PLXNA4: variants seen among roughly 807,000 people sequenced by gnomAD.
PLXNA4 encodes plexin A4.
A neutral mutation model predicts 191.8 loss-of-function variants in PLXNA4; 44 were observed. The ratio of observed to expected loss-of-function variants is 0.23; its 90% CI spans 0.18 to 0.29. The LOEUF is 0.29. PLXNA4 is among the 10% of genes least tolerant of loss of function. The pLI is 1.00. For synonymous variants in PLXNA4, 1,082 were observed against 1,009.5 expected (o/e 1.07, Z -1.36); for missense variants, 1,800 against 2,488.8 (o/e 0.72, Z 5.89).
At chr7:132,451,813 C>T (rs1025888912) in intron 3 of PLXNA4, among the ~76,000 whole-genome samples, 1 of 152,204 alleles carries the variant, frequency 6.6e-6, no homozygotes. Context: ...GAGTGATTGG[C>T]ACAGGGATGG....
At chr7:132,235,997 G>A (rs533143161) in intron 5 of PLXNA4, among the ~76,000 whole-genome samples, 1 of 152,206 alleles carries the variant, frequency 6.6e-6, no homozygotes, top group Non-Finnish European at 1.5e-5. Flanking sequence ...CATCAGAGAT[G>A]GGCAAGCCTG....
chr7:132,529,418 G>C (rs576024642), intron 1 of PLXNA4, among the ~76,000 whole-genome samples: 14 of 152,106 alleles, frequency 9.2e-5, no homozygotes, highest in African/African-American at 2.7e-4. Flanking sequence ...AAAAATACAA[G>C]GTGTTACAGA....
intron 3 of PLXNA4, among the ~76,000 whole-genome samples, chr7:132,344,936 C>T (rs1043008297): frequency 6.6e-6 from 1 of 152,178 alleles, no homozygotes; most frequent in Non-Finnish European, 1.5e-5. Context: ...TTGCTGTGGA[C>T]TAGCAGTGCC....
At chr7:132,592,410 A>G (rs918111030) in intron 2 of PLXNA4, among the ~76,000 whole-genome samples, 1 of 152,156 alleles carries the variant, frequency 6.6e-6, no homozygotes, top group African/African-American at 2.4e-5. Context: ...CACTCTTCTC[A>G]TTAAAAGGAC....
At chr7:132,402,910 G>C (rs1443960679) in intron 3 of PLXNA4, among the ~76,000 whole-genome samples, 1 of 152,242 alleles carries the variant, frequency 6.6e-6, no homozygotes, top group East Asian at 1.9e-4. Flanking sequence ...AATCCAGAGA[G>C]CTAGTGTTGA....
chr7:132,593,433 T>C (rs571295654), intron 2 of PLXNA4, among the ~76,000 whole-genome samples: 1 of 152,270 alleles, frequency 6.6e-6, no homozygotes, highest in African/African-American at 2.4e-5. Flanking sequence ...ACACCCTGGG[T>C]GTGTCCATCA....
chr7:132,393,777 C>T (rs1488427668), intron 3 of PLXNA4, among the ~76,000 whole-genome samples: 2 of 152,144 alleles, frequency 1.3e-5, no homozygotes, highest in African/African-American at 4.8e-5. Flanking sequence ...CATTTAGAGG[C>T]TTGAAGTTCA....
intron 3 of PLXNA4, among the ~76,000 whole-genome samples, chr7:132,301,034 G>C (rs76939216): frequency 0.036 from 5,457 of 152,282 alleles, 116 homozygotes; most frequent in African/African-American, 0.047. Context: ...GGATGAGGAA[G>C]CACCAACTGG....
At position 132,164,268 on chromosome 7, in the gene PLXNA4, G is replaced by C. The variant is rs749930889; in HGVS notation, c.4374C>G (p.Leu1458=). 1 of 1,614,218 alleles carries C rather than the reference G, an allele frequency of 6.2e-7. No individual in the cohort carries two copies. Among genetic ancestry groups the C allele is most frequent in the East Asian group, 2.2e-5 (1 of 44,860 alleles). ...KFLKECAGEP[L]FSLFCAIKQQ... is the part of the protein sequence containing the mutation. ...GCTTGATGGCACAGAACAGGGAGAA[G>C]AGGGGCTCCCCAGCACACTCCTGGA... The change falls in exon 24 of 32, where the codon CTC becomes CTG. Residue 1458 remains leucine, a synonymous_variant. Transcript: ENST00000321063.
At chr7:132,226,718 G>C (rs191244964) in intron 7 of PLXNA4, among the ~76,000 whole-genome samples, 4 of 152,230 alleles carry the variant, frequency 2.6e-5, no homozygotes, top group Admixed American at 2.6e-4. Flanking sequence ...ACTTCCTCTG[G>C]GGGGCTCAGG....
chr7:132,199,140 A>G (rs1392306668), intron 12 of PLXNA4, among the ~76,000 whole-genome samples: 1 of 152,024 alleles, frequency 6.6e-6, no homozygotes, highest in African/African-American at 2.4e-5. Context: ...TGCCACTTAC[A>G]TGGCAACAAT....
At chr7:132,400,815 C>A (rs151079493) in intron 3 of PLXNA4, among the ~76,000 whole-genome samples, 6 of 152,316 alleles carry the variant, frequency 3.9e-5, no homozygotes, top group Non-Finnish European at 8.8e-5. Flanking sequence ...TCATAAACAG[C>A]ATAAGCCAGC....
At chr7:132,180,536 C>A (rs765943841) in intron 19 of PLXNA4, 50 bp downstream of exon 19, 2 of 1,608,182 alleles carry the variant, frequency 1.2e-6, no homozygotes, top group Admixed American at 1.7e-5. Context: ...GAGCTCACAT[C>A]TGCATCCCTA....
intron 13 of PLXNA4, among the ~76,000 whole-genome samples, chr7:132,196,888 C>T (rs749229517): frequency 4.6e-5 from 7 of 152,094 alleles, no homozygotes; most frequent in African/African-American, 7.2e-5. Context: ...ATAAATTGTA[C>T]GTTCATGCTC....
chr7:132,132,716 G>A (rs1013318013), intron 31 of PLXNA4, among the ~76,000 whole-genome samples: 10 of 151,970 alleles, frequency 6.6e-5, no homozygotes, highest in Middle Eastern at 3.4e-3. Context: ...GGAGTGAGGA[G>A]GTGCCTGTTT....
At chr7:132,584,658 A>G (rs900374064) in intron 2 of PLXNA4, among the ~76,000 whole-genome samples, 1 of 152,226 alleles carries the variant, frequency 6.6e-6, no homozygotes, top group Non-Finnish European at 1.5e-5. Flanking sequence ...GAATATACAA[A>G]ATAGGCTTGT....
chr7:132,323,265 G>GTGTCTT (rs1802244717), intron 3 of PLXNA4, among the ~76,000 whole-genome samples: 2 of 152,208 alleles, frequency 1.3e-5, no homozygotes, highest in East Asian at 3.8e-4. Flanking sequence ...ATGCCCTGGT[G>GTGTCTT]GGCACAGGAA....
intron 3 of PLXNA4, among the ~76,000 whole-genome samples, chr7:132,485,694 C>T (rs1427754993): frequency 6.6e-6 from 1 of 152,196 alleles, no homozygotes; most frequent in Non-Finnish European, 1.5e-5. Context: ...AGTTCCTAGA[C>T]ACCTGCTTAT....
At chr7:132,626,196 C>G (rs1197139763) in intron 2 of PLXNA4, among the ~76,000 whole-genome samples, 2 of 152,144 alleles carry the variant, frequency 1.3e-5, no homozygotes, top group Non-Finnish European at 2.9e-5. Flanking sequence ...AAATCTATTC[C>G]CTCCTCCACA....
Sources: gnomAD v4.1 joint callset for allele counts (sites outside exome capture counted in the v4.1 genomes callset) on GRCh38, gnomAD v4.1.1 for gene constraint, MANE v1.5 for transcripts, NCBI Gene and HGNC (gene_info 2026-07-23, HGNC 2026-07-21) for gene names.